MED12L: variants seen among roughly 807,000 people sequenced by gnomAD.
MED12L encodes the protein mediator complex subunit 12L.
A neutral mutation model predicts 281.3 loss-of-function variants in MED12L; 60 were observed. That is an observed-to-expected ratio of 0.21 (90% CI 0.17 to 0.26). The LOEUF is 0.26. Among genes scored for constraint, MED12L ranks in the 10% least tolerant of loss-of-function variants. The pLI is 1.00. For missense variants in MED12L, 2,146 were observed against 2,680.9 expected (o/e 0.80, Z 4.41); for synonymous variants, 974 against 987.2 (o/e 0.99, Z 0.25).
At chr3:151,165,596 C>A (rs1720617465) in intron 10 of MED12L, 77 bp downstream of exon 10, 1 of 1,277,660 alleles carries the variant, frequency 7.8e-7, no homozygotes, top group Non-Finnish European at 1.1e-6. Context: ...ATAAACCATT[C>A]CACATGAATA....
At chr3:151,151,455 G>A (rs1227651994) in intron 5 of MED12L, among the ~76,000 whole-genome samples, 1 of 152,010 alleles carries the variant, frequency 6.6e-6, no homozygotes, top group Non-Finnish European at 1.5e-5. Flanking sequence ...TCCTCGCTGA[G>A]CTTAATCATT....
intron 14 of MED12L, 146 bp downstream of exon 14, chr3:151,191,077 C>A: frequency 1.5e-6 from 1 of 676,634 alleles, no homozygotes; most frequent in Non-Finnish European, 2.5e-6. Context: ...ACTTCTCGAG[C>A]AGGAAAGATA....
At chr3:151,271,721 C>A (rs544084863) in intron 16 of MED12L, among the ~76,000 whole-genome samples, 7 of 151,828 alleles carry the variant, frequency 4.6e-5, no homozygotes, top group Admixed American at 1.3e-4. Context: ...ACATGCTGAG[C>A]AAAACAAGTT....
At chr3:151,191,904 C>CA (rs1460373500) in intron 14 of MED12L, among the ~76,000 whole-genome samples, 5 of 147,876 alleles carry the variant, frequency 3.4e-5, no homozygotes, top group South Asian at 2.2e-4. Flanking sequence ...AAAACTGTCT[C>CA]AAAAAAACAA....
chr3:151,380,397 G>C (rs1193095123), intron 32 of MED12L, among the ~76,000 whole-genome samples, 173 bp downstream of exon 32: 1 of 152,096 alleles, frequency 6.6e-6, no homozygotes, highest in African/African-American at 2.4e-5. Context: ...AGGAGTTCGA[G>C]ACCAGCCTGG....
chr3:151,201,618 C>T (rs1304009578), intron 16 of MED12L, among the ~76,000 whole-genome samples: 2 of 152,168 alleles, frequency 1.3e-5, no homozygotes, highest in Non-Finnish European at 2.9e-5. Flanking sequence ...TGCATTTATC[C>T]TTACTATTCC....
intron 5 of MED12L, among the ~76,000 whole-genome samples, chr3:151,147,476 T>G (rs1217429236): frequency 6.6e-6 from 1 of 152,256 alleles, no homozygotes; most frequent in Non-Finnish European, 1.5e-5. Context: ...TTAGAACATT[T>G]TCGCTACCCC....
chr3:151,264,388 G>A (rs900125525), intron 16 of MED12L, among the ~76,000 whole-genome samples: 3 of 152,232 alleles, frequency 2.0e-5, no homozygotes, highest in Non-Finnish European at 4.4e-5. Flanking sequence ...GAGGGCAGTA[G>A]GAGTGTATTT....
At chr3:151,413,096 CATT>C in intron 41 of MED12L, 40 bp from the exon 42 acceptor site, 1 of 1,583,068 alleles carries the variant, frequency 6.3e-7, no homozygotes, top group South Asian at 1.1e-5. Flanking sequence ...AAAAGTTTGA[CATT>C]ATGCTTGGGC....
intron 27 of MED12L, among the ~76,000 whole-genome samples, 162 bp downstream of exon 27, chr3:151,372,928 T>A (rs1756370436): frequency 6.6e-6 from 1 of 152,224 alleles, no homozygotes; most frequent in Non-Finnish European, 1.5e-5. Flanking sequence ...GAATTATTTT[T>A]AAAAAACTCA....
intron 5 of MED12L, among the ~76,000 whole-genome samples, chr3:151,133,603 GAA>G (rs59629188): frequency 7.1e-6 from 1 of 140,214 alleles, no homozygotes. Flanking sequence ...TGTGAGACCT[GAA>G]AAAAAAAAAA....
rs1179235506 is a variant in MED12L, at chr3:151,435,698, A to G, written c.*2894A>G. On this transcript the variant is annotated 3_prime_UTR_variant, in exon 45 of 45. Coordinates refer to ENST00000687756, the MANE Select transcript of MED12L (RefSeq NM_001393769.1). ...TGGAAAACCCCACCCCTAGATTTAG[A>G]TAAGATCAATCATTTAATATTCCCC... 6.6e-6 allele frequency: 1 copy of G among 152,124 alleles called. No individual in the cohort carries two copies. The allele number at this position is 152,124 out of a possible 1,614,324, so 9.4% of individuals were successfully genotyped here.
intron 43 of MED12L, among the ~76,000 whole-genome samples, chr3:151,426,813 G>A (rs2108459181): frequency 9.5e-6 from 1 of 105,486 alleles, no homozygotes; most frequent in African/African-American, 3.6e-5. Flanking sequence ...AGAATGACAT[G>A]GTTTTACTTT....
At position 151,282,357 on chromosome 3, in the gene MED12L, T is replaced by TG. The variant is rs1491250294; in HGVS notation, c.2251-67701dup. Among the ~76,000 whole-genome samples, 6 of 135,182 alleles carry TG rather than the reference T, an allele frequency of 4.4e-5. No individual in the cohort carries two copies. In the South Asian group the frequency reaches 7.4e-4, roughly 17 times the overall value. The allele number at this position is 135,182 out of a possible 152,430, so 88.7% of individuals were successfully genotyped here. A position where few individuals can be genotyped will look rare whatever the true frequency, so the allele number is the denominator to read the frequency against. ...TGGGTTATATAATTTAGTTTTTTTTTGTTTTTTTTTGTTTGTTTGTTTGTT... is the reference window on the plus strand; with the variant it reads ...TGGGTTATATAATTTAGTTTTTTTTTGGTTTTTTTTTGTTTGTTTGTTTGTT... On this transcript the variant is annotated intron_variant, in intron 16 of 44. Transcript: ENST00000687756.
intron 11 of MED12L, among the ~76,000 whole-genome samples, chr3:151,178,181 A>AAAAAAAAAAAAAAAG (rs1560124057): frequency 8.7e-5 from 13 of 149,326 alleles, no homozygotes; most frequent in African/African-American, 3.3e-4. Flanking sequence ...AAAAAAAAAA[A>AAAAAAAAAAAAAAAG]AAAGAAAGTG....
At position 151,158,786 on chromosome 3, in the gene MED12L, C is replaced by A. The variant is rs540093937; in HGVS notation, c.824C>A (p.Pro275Gln). Residue 275 changes from proline (P) to glutamine (Q), a missense_variant, in exon 7 of 45, where the codon CCA (proline) becomes CAA (glutamine). Transcript: ENST00000687756. ...GATGATCTTCTTAAACTCTTGCTAC[C>A]ACTAATGCTGCAGGTATAGTACATG... ...MDDDLLKLLL[P>Q]LMLQYSDEFV... The A allele has an allele frequency of 1.2e-4, 187 of 1,608,802 alleles. 1 individual carries two copies. Among genetic ancestry groups the A allele is most frequent in the South Asian group, 1.0e-3 (91 of 90,736 alleles).
intron 31 of MED12L, 118 bp downstream of exon 31, chr3:151,378,291 G>A: frequency 9.5e-7 from 1 of 1,049,636 alleles, no homozygotes; most frequent in Non-Finnish European, 1.3e-6. Context: ...GTTTTTAAAT[G>A]GAACTGGGAA....
At chr3:151,166,374 T>C (rs1424259361) in intron 11 of MED12L, among the ~76,000 whole-genome samples, 3 of 152,096 alleles carry the variant, frequency 2.0e-5, no homozygotes, top group Non-Finnish European at 4.4e-5. Flanking sequence ...TCATGATCTT[T>C]CAAAAATCCT....
chr3:151,407,589 C>T (rs1322859192), intron 39 of MED12L, among the ~76,000 whole-genome samples: 2 of 152,156 alleles, frequency 1.3e-5, no homozygotes. Context: ...TTGGGAAGAA[C>T]AGTTTTAGGC....
Sources: allele counts gnomAD v4.1 joint callset (sites outside exome capture counted in the v4.1 genomes callset), GRCh38; gene constraint gnomAD v4.1.1; transcripts MANE v1.5; gene names NCBI Gene and HGNC (gene_info 2026-07-23, HGNC 2026-07-21).